Variants in B3GAT2 observed in about 807,000 individuals in gnomAD.
B3GAT2 encodes the protein galactosylgalactosylxylosylprotein 3-beta-glucuronosyltransferase 2.
In B3GAT2, 26 loss-of-function variants were observed where a neutral mutation model predicts 27.8. The ratio of observed to expected loss-of-function variants is 0.93; its 90% CI spans 0.68 to 1.30. The LOEUF (loss-of-function observed/expected upper bound fraction) is 1.30, where lower values mean the gene tolerates loss of function less well. B3GAT2 is among the 50% of genes most tolerant of loss of function. The probability of loss-of-function intolerance (pLI) is 0.00; values close to 1 mark genes in which losing one functional copy is unlikely to be tolerated. For missense variants in B3GAT2, 458 were observed against 459.0 expected, an observed-to-expected ratio of 1.00 and a Z score of 0.02; for synonymous variants, 218 against 195.1, an observed-to-expected ratio of 1.12 and a Z score of -0.98.
intron 2 of B3GAT2, among the ~76,000 whole-genome samples, chr6:70,891,024 T>C (rs1772279507): frequency 6.6e-6 from 1 of 152,252 alleles, no homozygotes; most frequent in African/African-American, 2.4e-5. Context: ...GCAGTCGTTC[T>C]TACTGACACC....
chr6:70,868,584 T>C (rs76848964), intron 2 of B3GAT2, among the ~76,000 whole-genome samples: 110 of 152,324 alleles, frequency 7.2e-4, no homozygotes, highest in African/African-American at 2.6e-3. Flanking sequence ...AAGACTTTTA[T>C]AGTTTGGCCA....
At chr6:70,953,052 T>C (rs192095616) in intron 1 of B3GAT2, among the ~76,000 whole-genome samples, 133 of 152,300 alleles carry the variant, frequency 8.7e-4, no homozygotes, top group African/African-American at 3.1e-3. Context: ...ACATCAACCA[T>C]GGAAATTAGA....
chr6:70,952,990 C>T (rs986567431), intron 1 of B3GAT2, among the ~76,000 whole-genome samples: 2 of 152,280 alleles, frequency 1.3e-5, no homozygotes, highest in South Asian at 2.1e-4. Context: ...CCAATACTTA[C>T]GGAGCTAATT....
chr6:70,929,865 A>G (rs1773031085), intron 1 of B3GAT2, among the ~76,000 whole-genome samples: 1 of 152,214 alleles, frequency 6.6e-6, no homozygotes, highest in Non-Finnish European at 1.5e-5. Context: ...ATGGAACCAA[A>G]AAAGAGCCCA....
intron 2 of B3GAT2, among the ~76,000 whole-genome samples, chr6:70,888,540 C>T (rs142136514): frequency 2.0e-3 from 304 of 152,272 alleles, no homozygotes; most frequent in Non-Finnish European, 3.1e-3. Context: ...CCTCCCAGCC[C>T]GCTACGGGCT....
intron 1 of B3GAT2, among the ~76,000 whole-genome samples, chr6:70,913,370 T>C (rs575811955): frequency 5.9e-5 from 9 of 152,228 alleles, no homozygotes; most frequent in Non-Finnish European, 1.2e-4. Context: ...ATCTTTATTT[T>C]AGCTGTGTCT....
At chr6:70,869,734 A>G (rs1387155984) in intron 2 of B3GAT2, among the ~76,000 whole-genome samples, 2 of 152,200 alleles carry the variant, frequency 1.3e-5, no homozygotes, top group Non-Finnish European at 2.9e-5. Flanking sequence ...ATTTTCATAT[A>G]TTGATTTTGT....
intron 1 of B3GAT2, among the ~76,000 whole-genome samples, chr6:70,912,630 A>AGCTGGCCTTATATCAGGATGAT (rs148465049): frequency 4.5e-4 from 68 of 151,194 alleles, no homozygotes; most frequent in African/African-American, 1.5e-3. Flanking sequence ...ATCAGGATGA[A>AGCTGGCCTTATATCAGGATGAT]GCTGGCCTTA....
chr6:70,861,968 T>TA lies in B3GAT2; in HGVS notation c.746dup (p.Ser250LysfsTer14). Reference sequence around the variant, plus strand: ...GATTGGACAAAATGACTTGAAGACTTACAGCAAATCCTTTGTGAAAAATAA... The same window carrying TA: ...GATTGGACAAAATGACTTGAAGACTTAACAGCAAATCCTTTGTGAAAAATAA... On this transcript the variant is annotated frameshift_variant, in exon 3 of 4. Transcript: ENST00000230053. LOFTEE classifies it high-confidence loss of function. 1.9e-6 allele frequency: 3 copies of TA among 1,609,412 alleles called. No individual in the cohort carries two copies. The highest frequency in any genetic ancestry group is 2.5e-6 in the Non-Finnish European group (3 of 1,177,148).
intron 2 of B3GAT2, among the ~76,000 whole-genome samples, chr6:70,884,132 A>C (rs921348333): frequency 2.0e-5 from 3 of 149,090 alleles, no homozygotes; most frequent in African/African-American, 4.9e-5. Context: ...ACCCGCAACC[A>C]CACAAATACC....
In B3GAT2 at chr6:70,856,862, A is replaced by T; in HGVS notation, c.*4801T>A. ...CTTATTTTGGTGTTTGTCTCAGGGG[A>T]CACCCTCTGCACCAGCAGCTGCAAC... On this transcript the variant is annotated 3_prime_UTR_variant, in exon 4 of 4. Transcript: ENST00000230053. 3.1e-6 allele frequency: 5 copies of T among 1,608,852 alleles called. No individual in the cohort carries two copies. Among genetic ancestry groups the T allele is most frequent in the Non-Finnish European group, 4.2e-6 (5 of 1,177,224 alleles).
intron 1 of B3GAT2, among the ~76,000 whole-genome samples, chr6:70,950,103 T>C (rs1347417737): frequency 6.6e-6 from 1 of 151,802 alleles, no homozygotes; most frequent in East Asian, 1.9e-4. Context: ...TACCTAATGC[T>C]AAAAGACGAG....
intron 2 of B3GAT2, among the ~76,000 whole-genome samples, chr6:70,886,972 C>T (rs1772198663): frequency 6.6e-6 from 1 of 152,142 alleles, no homozygotes; most frequent in African/African-American, 2.4e-5. Flanking sequence ...GACAAAGTCC[C>T]AAGCTGGTCC....
chr6:70,889,120 C>T (rs995900342), intron 2 of B3GAT2, among the ~76,000 whole-genome samples: 2 of 152,140 alleles, frequency 1.3e-5, no homozygotes, highest in Non-Finnish European at 1.5e-5. Context: ...CAACTGGCCC[C>T]TCCACCTTCC....
intron 1 of B3GAT2, among the ~76,000 whole-genome samples, chr6:70,935,691 C>A (rs1350734350): frequency 1.3e-5 from 2 of 152,044 alleles, no homozygotes; most frequent in South Asian, 2.1e-4. Flanking sequence ...ACTCTACAGA[C>A]AAGCAAATGC....
In B3GAT2 at chr6:70,861,529, C is replaced by T. The variant is rs894370946; in HGVS notation, c.*134G>A. 5 of 712,468 alleles carry T rather than the reference C, an allele frequency of 7.0e-6. No homozygotes were observed. The highest frequency in any genetic ancestry group is 5.6e-5 in the Admixed American group (2 of 35,676). The allele number at this position is 712,468 out of a possible 1,614,324, so 44.1% of individuals were successfully genotyped here. On this transcript the variant is annotated 3_prime_UTR_variant, in exon 4 of 4. Coordinates refer to ENST00000230053, the MANE Select transcript of B3GAT2 (RefSeq NM_080742.3). Reference sequence around the variant, plus strand: ...TGACAAGCTCCATTTAAACAGATGTCCATCAGATGACAAGAAAGGCTGCTG... The same window carrying T: ...TGACAAGCTCCATTTAAACAGATGTTCATCAGATGACAAGAAAGGCTGCTG...
Position 70,857,668 on chromosome 6 carries a change from T to C in B3GAT2, c.*3995A>G. 1 of 484,368 alleles carries C rather than the reference T, an allele frequency of 2.1e-6. No individual in the cohort carries two copies. Among genetic ancestry groups the C allele is most frequent in the South Asian group, 2.3e-5 (1 of 43,044 alleles). The allele number at this position is 484,368 out of a possible 1,614,324, so 30.0% of individuals were successfully genotyped here. A position where few individuals can be genotyped will look rare whatever the true frequency, so the allele number is the denominator to read the frequency against. ...AGTTTGGTCTTCACAGTGGAAGATATTTTGTGTGGCTGTTGCATATGATTT... is the reference window on the plus strand; with the variant it reads ...AGTTTGGTCTTCACAGTGGAAGATACTTTGTGTGGCTGTTGCATATGATTT... On this transcript the variant is annotated 3_prime_UTR_variant, in exon 4 of 4. Transcript: ENST00000230053.
chr6:70,872,733 T>C (rs1456679511), intron 2 of B3GAT2, among the ~76,000 whole-genome samples: 2 of 152,004 alleles, frequency 1.3e-5, no homozygotes, highest in African/African-American at 4.8e-5. Context: ...GAAGTTTGTT[T>C]TCTACATGTC....
chr6:70,920,569 G>A (rs1193386896), intron 1 of B3GAT2, among the ~76,000 whole-genome samples: 3 of 152,182 alleles, frequency 2.0e-5, no homozygotes, highest in Non-Finnish European at 4.4e-5. Flanking sequence ...CTCTCCATGT[G>A]TCTTATTTCT....
Sources: gnomAD v4.1 joint callset for allele counts (sites outside exome capture counted in the v4.1 genomes callset) on GRCh38, gnomAD v4.1.1 for gene constraint, MANE v1.5 for transcripts, NCBI Gene and HGNC (gene_info 2026-07-23, HGNC 2026-07-21) for gene names.